TRPM3: variants seen among roughly 807,000 people sequenced by gnomAD.
TRPM3 encodes long transient receptor potential channel 3.
A neutral mutation model predicts 181.2 loss-of-function variants in TRPM3; 77 were observed. The ratio of observed to expected loss-of-function variants is 0.42; its 90% CI spans 0.35 to 0.51. The LOEUF (loss-of-function observed/expected upper bound fraction) is 0.51, where lower values mean the gene tolerates loss of function less well. TRPM3 is among the 20% of genes least tolerant of loss of function. The pLI is 0.01. For missense variants in TRPM3, 1,759 were observed against 2,196.7 expected (o/e 0.80, Z 3.98); for synonymous variants, 745 against 796.4 (o/e 0.94, Z 1.09).
intron 1 of TRPM3, among the ~76,000 whole-genome samples, chr9:71,082,292 C>A (rs1349675020): frequency 6.6e-6 from 1 of 152,106 alleles, no homozygotes; most frequent in Non-Finnish European, 1.5e-5. Flanking sequence ...GCACAGATGG[C>A]CAAATAGCTG....
intron 1 of TRPM3, among the ~76,000 whole-genome samples, chr9:70,870,696 A>G (rs1231018387): frequency 2.0e-5 from 3 of 151,996 alleles, no homozygotes; most frequent in Non-Finnish European, 4.4e-5. Flanking sequence ...GTTTCAAAAG[A>G]CTGCTTAATT....
At chr9:70,622,293 G>A (rs539246793) in intron 14 of TRPM3, among the ~76,000 whole-genome samples, 3 of 152,284 alleles carry the variant, frequency 2.0e-5, no homozygotes, top group South Asian at 4.1e-4. Flanking sequence ...TCCTGCTGAT[G>A]GTATTTTGTC....
chr9:70,862,704 C>G (rs2095553172), intron 3 of TRPM3, among the ~76,000 whole-genome samples: 1 of 151,762 alleles, frequency 6.6e-6, no homozygotes, highest in African/African-American at 2.4e-5. Flanking sequence ...TTTAAAAATC[C>G]CAGGAGGAAA....
In TRPM3 at chr9:70,930,608, T is replaced by C. The variant is rs142203988; in HGVS notation, c.178-66097A>G. 5.5e-4 allele frequency among the ~76,000 whole-genome samples: 84 copies of C among 152,332 alleles called. No homozygotes were observed. The Middle Eastern group carries it at 0.02, about 37-fold the overall frequency. Reference sequence around the variant, plus strand: ...AGAGTACTACACTGGATCTGTGGTCTTATTAATGATACATTAGCAGGCATT... The same window carrying C: ...AGAGTACTACACTGGATCTGTGGTCCTATTAATGATACATTAGCAGGCATT... On this transcript the variant is annotated intron_variant, in intron 1 of 25. Coordinates refer to ENST00000677713, the MANE Select transcript of TRPM3 (RefSeq NM_001366145.2).
chr9:71,434,295 T>C (rs1413772756), intron 1 of TRPM3, among the ~76,000 whole-genome samples: 1 of 152,132 alleles, frequency 6.6e-6, no homozygotes, highest in East Asian at 1.9e-4. Context: ...GACAAGGTCA[T>C]GAAAGTGGAG....
intron 1 of TRPM3, among the ~76,000 whole-genome samples, chr9:71,215,055 AAAAAAAAC>A (rs1161207642): frequency 6.6e-6 from 1 of 151,504 alleles, no homozygotes; most frequent in African/African-American, 2.4e-5. Context: ...AACAAAAAAA[AAAAAAAAC>A]AACAACCCAA....
chr9:71,082,056 T>A (rs895942524), intron 1 of TRPM3, among the ~76,000 whole-genome samples: 6 of 152,146 alleles, frequency 3.9e-5, no homozygotes, highest in Non-Finnish European at 8.8e-5. Context: ...GTAGAAAAAG[T>A]GAATCTGACT....
intron 1 of TRPM3, among the ~76,000 whole-genome samples, chr9:70,990,672 T>C (rs542148328): frequency 6.6e-6 from 1 of 152,284 alleles, no homozygotes; most frequent in African/African-American, 2.4e-5. Context: ...TTAAACTGTG[T>C]GTGTGAGTGC....
chr9:71,415,077 T>C (rs2131484854), intron 1 of TRPM3, among the ~76,000 whole-genome samples: 1 of 152,130 alleles, frequency 6.6e-6, no homozygotes, highest in African/African-American at 2.4e-5. Context: ...CAATTATCAT[T>C]GTAAGAGAGA....
chr9:71,305,543 C>G (rs1048978273), intron 1 of TRPM3, among the ~76,000 whole-genome samples: 1 of 152,068 alleles, frequency 6.6e-6, no homozygotes, highest in Non-Finnish European at 1.5e-5. Context: ...AGACAGAGTT[C>G]TGACTAGATG....
intron 1 of TRPM3, among the ~76,000 whole-genome samples, chr9:71,067,007 C>A (rs2062012211): frequency 6.6e-6 from 1 of 152,224 alleles, no homozygotes; most frequent in Non-Finnish European, 1.5e-5. Flanking sequence ...AGGGTTAGTG[C>A]CACGGTACCA....
At chr9:70,670,845 G>A (rs977378146) in intron 9 of TRPM3, among the ~76,000 whole-genome samples, 4 of 152,110 alleles carry the variant, frequency 2.6e-5, no homozygotes, top group African/African-American at 9.7e-5. Flanking sequence ...CAAACCATAT[G>A]GGAGAGGTTT....
intron 1 of TRPM3, among the ~76,000 whole-genome samples, chr9:70,996,213 C>A (rs1404133502): frequency 6.6e-6 from 1 of 152,162 alleles, no homozygotes; most frequent in East Asian, 1.9e-4. Flanking sequence ...AACCAGAATT[C>A]TGCAGATTAT....
At chr9:71,139,858 A>T (rs1348071672) in intron 1 of TRPM3, among the ~76,000 whole-genome samples, 1 of 152,170 alleles carries the variant, frequency 6.6e-6, no homozygotes, top group African/African-American at 2.4e-5. Context: ...GTTTCCAAGT[A>T]TCCTTTATAT....
intron 1 of TRPM3, among the ~76,000 whole-genome samples, chr9:71,243,801 T>A (rs2081869743): frequency 6.6e-6 from 1 of 152,212 alleles, no homozygotes; most frequent in Non-Finnish European, 1.5e-5. Flanking sequence ...TGCACACATC[T>A]TAAGTTTAAA....
At chr9:70,812,293 G>T (rs970719525) in intron 6 of TRPM3, among the ~76,000 whole-genome samples, 1 of 152,194 alleles carries the variant, frequency 6.6e-6, no homozygotes, top group African/African-American at 2.4e-5. Flanking sequence ...GTAGCTGGCT[G>T]GTGAGAGGCA....
chr9:70,978,025 G>A (rs2097324094), intron 1 of TRPM3, among the ~76,000 whole-genome samples: 1 of 152,120 alleles, frequency 6.6e-6, no homozygotes, highest in Non-Finnish European at 1.5e-5. Context: ...GAGGAGTGGG[G>A]CTGAAAGTCC....
At chr9:71,352,252 T>C (rs1257889677) in intron 1 of TRPM3, among the ~76,000 whole-genome samples, 2 of 152,214 alleles carry the variant, frequency 1.3e-5, no homozygotes, top group Non-Finnish European at 2.9e-5. Context: ...TTTTATGTAT[T>C]AGAGAAGTTC....
chr9:70,963,488 A>AG (rs2097157191), intron 1 of TRPM3, among the ~76,000 whole-genome samples: 1 of 152,094 alleles, frequency 6.6e-6, no homozygotes, highest in Admixed American at 6.6e-5. Context: ...TAGAGATTGG[A>AG]GGGGCCCAAG....
Sources: allele counts gnomAD v4.1 joint callset (sites outside exome capture counted in the v4.1 genomes callset), GRCh38; gene constraint gnomAD v4.1.1; transcripts MANE v1.5; gene names NCBI Gene and HGNC (gene_info 2026-07-23, HGNC 2026-07-21).